Variants in KIF13A observed in about 807,000 individuals in gnomAD.
KIF13A encodes kinesin family member 13A.
In KIF13A, 79 loss-of-function variants were observed where a neutral mutation model predicts 212.2. The ratio of observed to expected loss-of-function variants is 0.37; its 90% CI spans 0.31 to 0.45. The LOEUF is 0.45. Among genes scored for constraint, KIF13A ranks in the 20% least tolerant of loss-of-function variants. KIF13A has a pLI of 1.00. For synonymous variants in KIF13A, 789 were observed against 808.6 expected (o/e 0.98, Z 0.41); for missense variants, 1,901 against 2,209.0 (o/e 0.86, Z 2.79).
intron 9 of KIF13A, among the ~76,000 whole-genome samples, chr6:17,841,654 T>C (rs1766519341): frequency 6.6e-6 from 1 of 152,180 alleles, no homozygotes; most frequent in Admixed American, 6.5e-5. Flanking sequence ...GTATCATTAG[T>C]AGAAGCCGCC....
At chr6:17,952,938 A>C (rs1318165577) in intron 2 of KIF13A, among the ~76,000 whole-genome samples, 2 of 152,118 alleles carry the variant, frequency 1.3e-5, no homozygotes, top group African/African-American at 4.8e-5. Flanking sequence ...CAAAAAAAAA[A>C]AAAGAGAAGC....
At chr6:17,928,525 G>A (rs948719925) in intron 2 of KIF13A, among the ~76,000 whole-genome samples, 1 of 152,150 alleles carries the variant, frequency 6.6e-6, no homozygotes, top group Non-Finnish European at 1.5e-5. Flanking sequence ...CCAAAGTGCT[G>A]CAAAGGGATT....
chr6:17,760,564 T>A, downstream of KIF13A: 1 of 519,474 alleles, frequency 1.9e-6, no homozygotes, highest in Non-Finnish European at 3.4e-6. Context: ...ACAGTGGAGG[T>A]GTGTAGTAAG....
intron 2 of KIF13A, among the ~76,000 whole-genome samples, chr6:17,962,505 A>T (rs1184749752): frequency 6.6e-6 from 1 of 152,162 alleles, no homozygotes; most frequent in Non-Finnish European, 1.5e-5. Context: ...CGGACCACAG[A>T]GATGAGCACA....
chr6:17,764,433 A>G lies in KIF13A; in HGVS notation c.5095T>C (p.Cys1699Arg), dbSNP rs1286029834. The G allele has an allele frequency of 1.2e-6, 2 of 1,614,006 alleles. No individual in the cohort carries two copies. The highest frequency in any genetic ancestry group is 1.7e-6 in the Non-Finnish European group (2 of 1,179,890). The change falls in exon 39 of 39, where the codon TGT (cysteine) becomes CGT (arginine). Residue 1699 changes from cysteine (C) to arginine (R), a missense_variant. Cys to Arg is a radical substitution (Grantham distance 180, BLOSUM62 -3). Around this residue, in one of 5 missense-constraint regions of KIF13A, gnomAD observed 687 missense variants for 759.1 expected, o/e 0.90. Coordinates refer to ENST00000259711, the MANE Select transcript of KIF13A (RefSeq NM_022113.6). This position sits in a 1 kb window ranked among gnomAD's most constrained non-coding sequence, Gnocchi z 5.1. The stretch of plus-strand genomic sequence containing the variant: ...CTGGGGCAGGCATCTAGTTCTGAAC[A>G]TGAGCCAGTCCTGCACAGTGATTTG... ...NSKSLCRTGS[C>R]SELDACPSKI... is the part of the protein sequence containing the mutation.
At chr6:17,981,024 CTTT>C (rs71687340) in intron 2 of KIF13A, among the ~76,000 whole-genome samples, 4 of 142,650 alleles carry the variant, frequency 2.8e-5, no homozygotes, top group Non-Finnish European at 1.5e-5. Flanking sequence ...AAGAGGGGGA[CTTT>C]TTTTTTTTTT....
rs1290135061 is a variant in KIF13A, at chr6:17,809,064, C to G, written c.2001-134G>C. 8.7e-6 allele frequency: 7 copies of G among 807,042 alleles called. No homozygotes were observed. In the South Asian group the frequency reaches 1.4e-4, roughly 16 times the overall value. The allele number at this position is 807,042 out of a possible 1,614,324, so 50.0% of individuals were successfully genotyped here. On this transcript the variant is annotated intron_variant, in intron 17 of 38. Transcript: ENST00000259711. This position sits in a 1 kb window ranked among gnomAD's most constrained non-coding sequence, Gnocchi z 4.7. ...TTTTCAAACTATTTTACCAGACTACCTCTCATCCTTCCCTCCTGCCCACAG... is the reference window on the plus strand; with the variant it reads ...TTTTCAAACTATTTTACCAGACTACGTCTCATCCTTCCCTCCTGCCCACAG...
intron 34 of KIF13A, among the ~76,000 whole-genome samples, chr6:17,775,567 T>TACC (rs1271661321): frequency 9.2e-5 from 14 of 152,284 alleles, no homozygotes; most frequent in African/African-American, 2.9e-4. Context: ...GACATGCCAA[T>TACC]TTTTTGATAC....
chr6:17,858,379 T>C (rs1768367047), intron 4 of KIF13A, among the ~76,000 whole-genome samples: 1 of 152,130 alleles, frequency 6.6e-6, no homozygotes, highest in Non-Finnish European at 1.5e-5. Context: ...TGCAAATACG[T>C]GTATATTCAG....
chr6:17,928,370 T>C (rs1352515787), intron 2 of KIF13A, among the ~76,000 whole-genome samples: 1 of 152,192 alleles, frequency 6.6e-6, no homozygotes, highest in Admixed American at 6.5e-5. Context: ...ATCAGTAACA[T>C]GAGAGAATCT....
At chr6:17,965,245 T>C (rs1779198590) in intron 2 of KIF13A, among the ~76,000 whole-genome samples, 1 of 152,254 alleles carries the variant, frequency 6.6e-6, no homozygotes, top group South Asian at 2.1e-4. Flanking sequence ...GATATCCTAA[T>C]CATATTTAAT....
chr6:17,835,686 TAAAC>T, intron 11 of KIF13A, among the ~76,000 whole-genome samples: 1 of 152,326 alleles, frequency 6.6e-6, no homozygotes, highest in South Asian at 2.1e-4. Flanking sequence ...GAAAGATATA[TAAAC>T]AAACAATTAC....
intron 17 of KIF13A, chr6:17,815,631 G>C (rs1382537597): frequency 6.8e-6 from 3 of 441,992 alleles, no homozygotes; most frequent in African/African-American, 6.0e-5. Context: ...TTTTTCCCAG[G>C]TGATAACTGT....
At chr6:17,870,703 C>A (rs1457498789) in intron 4 of KIF13A, among the ~76,000 whole-genome samples, 3 of 152,114 alleles carry the variant, frequency 2.0e-5, no homozygotes, top group Non-Finnish European at 4.4e-5. Context: ...GGTCTCCCAT[C>A]GCATCCCCAA....
At chr6:17,940,608 A>T (rs1472545689) in intron 2 of KIF13A, among the ~76,000 whole-genome samples, 4 of 152,140 alleles carry the variant, frequency 2.6e-5, no homozygotes, top group Non-Finnish European at 5.9e-5. Context: ...ACCAGTGAAG[A>T]GTTTTCAGGA....
Position 17,900,462 on chromosome 6 carries a change from C to A in KIF13A, c.147-2282G>T, listed in dbSNP as rs1772950769. On this transcript the variant is annotated intron_variant, in intron 2 of 38. Coordinates refer to ENST00000259711, the MANE Select transcript of KIF13A (RefSeq NM_022113.6). The surrounding 1 kb of genome is among the most constrained non-coding windows in gnomAD (Gnocchi z 4.6). ...GAAGATAGCCCATAACATGGGAATA[C>A]CAATATAATTCTGCTACCTTCTTTT... 6.6e-6 allele frequency among the ~76,000 whole-genome samples: 1 copy of A among 152,150 alleles called. No homozygotes were observed. The highest frequency in any genetic ancestry group is 1.5e-5 in the Non-Finnish European group (1 of 68,032).
At chr6:17,962,698 T>C (rs900993032) in intron 2 of KIF13A, among the ~76,000 whole-genome samples, 1 of 152,142 alleles carries the variant, frequency 6.6e-6, no homozygotes, top group Non-Finnish European at 1.5e-5. Context: ...AGTACTTCTG[T>C]TATATCTACT....
chr6:17,859,330 T>C (rs1412180853), intron 4 of KIF13A, among the ~76,000 whole-genome samples: 1 of 151,826 alleles, frequency 6.6e-6, no homozygotes, highest in East Asian at 1.9e-4. Context: ...AGGCCAAGCA[T>C]GGTGGCTCAC....
At position 17,934,454 on chromosome 6, in the gene KIF13A, A is replaced by G. The variant is rs1776280849; in HGVS notation, c.147-36274T>C. ...GAAATATTCCAGCAGGTAGTATTCTAAAATCATAAATACAGAATCCCCAAT... is the reference window on the plus strand; with the variant it reads ...GAAATATTCCAGCAGGTAGTATTCTGAAATCATAAATACAGAATCCCCAAT... On this transcript the variant is annotated intron_variant, in intron 2 of 38. Coordinates refer to ENST00000259711, the MANE Select transcript of KIF13A (RefSeq NM_022113.6). The surrounding 1 kb of genome is among the most constrained non-coding windows in gnomAD (Gnocchi z 5.4). Among the ~76,000 whole-genome samples the G allele has an allele frequency of 6.6e-6, 1 of 152,174 alleles. No individual in the cohort carries two copies. The highest frequency in any genetic ancestry group is 1.5e-5 in the Non-Finnish European group (1 of 68,028).
Sources: allele counts gnomAD v4.1 joint callset (sites outside exome capture counted in the v4.1 genomes callset), GRCh38; gene constraint gnomAD v4.1.1; regional missense constraint gnomAD v4.1.1; non-coding constraint Gnocchi (gnomAD v3.1); transcripts MANE v1.5; gene names NCBI Gene and HGNC (gene_info 2026-07-23, HGNC 2026-07-21).